Variants in DIDO1 observed in about 807,000 individuals in gnomAD.
The protein encoded by DIDO1 is death-inducer obliterator 1.
Under a neutral mutation model 99.4 loss-of-function variants are expected in DIDO1, and 16 were observed. That is an observed-to-expected ratio of 0.16 (90% confidence interval 0.11 to 0.24). The LOEUF (loss-of-function observed/expected upper bound fraction) is 0.24. DIDO1 is among the 10% of genes least tolerant of loss of function. DIDO1 has a pLI of 1.00. For missense variants in DIDO1, 2,996 were observed against 3,014.0 expected, an observed-to-expected ratio of 0.99 and a Z score of 0.14; for synonymous variants, 1,366 against 1,239.1, an observed-to-expected ratio of 1.10 and a Z score of -2.15.
rs745976405 is a variant in DIDO1, at chr20:62,882,079, C to G, written c.3877G>C (p.Ala1293Pro). The change falls in exon 16 of 16, where the codon GCA becomes CCA. Residue 1293 changes from alanine (A) to proline (P), a missense_variant. Around this residue, in one of 5 missense-constraint regions of DIDO1, gnomAD observed 1,562 missense variants for 1,412.6 expected, o/e 1.11. Coordinates refer to ENST00000395343, the MANE Select transcript of DIDO1 (RefSeq NM_001193369.2). The stretch of plus-strand genomic sequence containing the variant: ...GAAGCTGCCGTGGAGGCTGCCGCTG[C>G]TGTTGTGGCTGCTGTGGCTGGGCTG... ...APSPATAATT[A>P]AAASTAASST... is the part of the protein sequence containing the mutation. The G allele has an allele frequency of 2.1e-5, 34 of 1,600,976 alleles. No individual in the cohort carries two copies. The highest frequency in any genetic ancestry group is 2.9e-5 in the Non-Finnish European group (34 of 1,171,666).
intron 5 of DIDO1, among the ~76,000 whole-genome samples, chr20:62,906,744 C>CA (rs1350166211): frequency 6.6e-6 from 1 of 151,336 alleles, no homozygotes; most frequent in Admixed American, 6.6e-5. Flanking sequence ...ACACGGAGTA[C>CA]AAACATGAGA....
chr20:62,916,062 T>C (rs1040804820), intron 1 of DIDO1, among the ~76,000 whole-genome samples: 6 of 151,752 alleles, frequency 4.0e-5, no homozygotes, highest in African/African-American at 1.5e-4. Context: ...GCTTGTAAAA[T>C]AAAAACATAT....
intron 1 of DIDO1, among the ~76,000 whole-genome samples, chr20:62,914,866 C>T: frequency 6.6e-6 from 1 of 152,280 alleles, no homozygotes; most frequent in Admixed American, 6.5e-5. Context: ...AATAATGTAT[C>T]TGAATTATTT....
chr20:62,929,250 AGGCAGC>A (rs910068906), upstream of DIDO1: 5 of 151,098 alleles, frequency 3.3e-5, no homozygotes, highest in Admixed American at 2.0e-4. Flanking sequence ...GGATTCAGAG[AGGCAGC>A]GGCCAAGGAC....
intron 4 of DIDO1, 128 bp from the exon 5 acceptor site, chr20:62,907,487 T>C (rs2064833681): frequency 8.1e-6 from 7 of 867,422 alleles, no homozygotes; most frequent in Non-Finnish European, 1.2e-5. Flanking sequence ...AACAGTACTT[T>C]TAATATGAAT....
chr20:62,894,404 T>C lies in DIDO1; in HGVS notation c.2572+9A>G. On this transcript the variant is annotated intron_variant, in intron 11 of 15. Coordinates refer to ENST00000395343, the MANE Select transcript of DIDO1 (RefSeq NM_001193369.2). The surrounding 1 kb of genome is among the most constrained non-coding windows in gnomAD (Gnocchi z 4.4). ...AGCTCCAAGGCTCCATCCCCTGCACTGTGCTCACCTGTGCAAATTTTACAG... is the reference window on the plus strand; with the variant it reads ...AGCTCCAAGGCTCCATCCCCTGCACCGTGCTCACCTGTGCAAATTTTACAG... The C allele has an allele frequency of 1.2e-6, 2 of 1,610,782 alleles. No homozygotes were observed. Among genetic ancestry groups the C allele is most frequent in the Non-Finnish European group, 1.7e-6 (2 of 1,179,810 alleles).
upstream of DIDO1, among the ~76,000 whole-genome samples, chr20:62,927,892 C>G (rs1704073261): frequency 6.6e-6 from 1 of 152,104 alleles, no homozygotes. Context: ...AGTGTGATCT[C>G]AGGTTGCAAA....
Position 62,880,756 on chromosome 20 carries a change from C to A in DIDO1, c.5200G>T (p.Ala1734Ser). The A allele has an allele frequency of 6.2e-7, 1 of 1,612,694 alleles. No individual in the cohort carries two copies. The highest frequency in any genetic ancestry group is 8.5e-7 in the Non-Finnish European group (1 of 1,179,894). ...TTCTGTCCTGGTGGGGGGAGCGGGG[C>A]GGTGCCCTCGCCGGGTCTGGCCTGT... ...EPQARPGEGTAPLPPPGQKVG... is the reference protein window; with the variant it reads ...EPQARPGEGTSPLPPPGQKVG... The change falls in exon 16 of 16, where the codon GCC becomes TCC. Residue 1734 changes from alanine (A) to serine (S), a missense_variant. Ala to Ser is a moderately conservative substitution (Grantham distance 99). Transcript: ENST00000395343.
chr20:62,928,270 ACAAGAGAAC>A (rs999881215), upstream of DIDO1, among the ~76,000 whole-genome samples: 3 of 152,178 alleles, frequency 2.0e-5, no homozygotes, highest in Non-Finnish European at 4.4e-5. Context: ...CGGCTCAGGG[ACAAGAGAAC>A]CAAGAGGAAG....
chr20:62,887,085 A>G (rs2064308551), intron 15 of DIDO1: 2 of 983,616 alleles, frequency 2.0e-6, no homozygotes, highest in Non-Finnish European at 2.4e-6. Context: ...CCTCTCCAGC[A>G]GCTGCTGGGT....
intron 1 of DIDO1, among the ~76,000 whole-genome samples, chr20:62,917,721 A>G (rs1405646109): frequency 6.6e-6 from 1 of 152,202 alleles, no homozygotes; most frequent in Non-Finnish European, 1.5e-5. Flanking sequence ...AAAAATTAAT[A>G]TTTACTGCAT....
chr20:62,893,603 TCTTTC>T lies in DIDO1; in HGVS notation c.3101+58_3101+62del, dbSNP rs759129622. On this transcript the variant is annotated intron_variant, in intron 12 of 15. Coordinates refer to ENST00000395343, the MANE Select transcript of DIDO1 (RefSeq NM_001193369.2). ...AGTTCAACTATTTAATCACCAGTTA[TCTTTC>T]CTTTCGTTAATCTAAAAAAAAAGTT... is the stretch of plus-strand genomic sequence containing the variant. 4.7e-6 allele frequency: 7 copies of T among 1,490,794 alleles called. No individual in the cohort carries two copies. In the South Asian group the frequency reaches 5.4e-5, roughly 12 times the overall value. 92.3% of individuals were successfully genotyped at this position (1,490,794 alleles called of 1,614,324 possible).
At chr20:62,905,051 CA>C in intron 6 of DIDO1, 1 of 989,624 alleles carries the variant, frequency 1.0e-6, no homozygotes. Context: ...AACAAGAAAA[CA>C]TTAAAATTGC....
At chr20:62,927,137 C>A (rs895045727), upstream of DIDO1, among the ~76,000 whole-genome samples, 1 of 152,086 alleles carries the variant, frequency 6.6e-6, no homozygotes, top group Non-Finnish European at 1.5e-5. Context: ...AGGAGCACAG[C>A]GAGGAAGGGA....
chr20:62,891,956 T>G, intron 14 of DIDO1, 31 bp downstream of exon 14: 1 of 1,572,948 alleles, frequency 6.4e-7, no homozygotes, highest in Non-Finnish European at 8.6e-7. Flanking sequence ...CAATTTTCCA[T>G]GGTTGCAGAA....
chr20:62,913,263 A>C (rs2064980641), intron 2 of DIDO1, among the ~76,000 whole-genome samples: 1 of 151,876 alleles, frequency 6.6e-6, no homozygotes, highest in African/African-American at 2.4e-5. Context: ...AAGTGACCCC[A>C]TTGTTAAAGG....
At chr20:62,897,797 G>A (rs1014356443) in intron 6 of DIDO1, among the ~76,000 whole-genome samples, 6 of 152,218 alleles carry the variant, frequency 3.9e-5, no homozygotes, top group South Asian at 2.1e-4. Context: ...AAAGGCCCTC[G>A]AGCAGGGGAC....
At chr20:62,887,197 A>G (rs2064310365) in intron 15 of DIDO1, 1 of 985,394 alleles carries the variant, frequency 1.0e-6, no homozygotes, top group Non-Finnish European at 1.2e-6. Context: ...GTTCCAATTC[A>G]AACAAACAAG....
intron 1 of DIDO1, among the ~76,000 whole-genome samples, chr20:62,920,726 C>A (rs2065121780): frequency 6.6e-6 from 1 of 152,206 alleles, no homozygotes; most frequent in African/African-American, 2.4e-5. Context: ...TATGCTAGAG[C>A]ATTTCAGAAG....
Sources: gnomAD v4.1 joint callset for allele counts (sites outside exome capture counted in the v4.1 genomes callset) on GRCh38, gnomAD v4.1.1 for gene constraint, gnomAD v4.1.1 regional missense constraint, Gnocchi (gnomAD v3.1) non-coding constraint, MANE v1.5 for transcripts, NCBI Gene and HGNC (gene_info 2026-07-23, HGNC 2026-07-21) for gene names.